DSCAM: variants seen among roughly 807,000 people sequenced by gnomAD.
DSCAM encodes the protein cell adhesion molecule DSCAM.
In DSCAM, 47 loss-of-function variants were observed where a neutral mutation model predicts 217.7. The ratio of observed to expected loss-of-function variants is 0.22; its 90% CI spans 0.17 to 0.28. DSCAM has a LOEUF of 0.28. Among genes scored for constraint, DSCAM ranks in the 10% least tolerant of loss-of-function variants. The pLI is 1.00. For synonymous variants in DSCAM, 1,056 were observed against 1,015.3 expected (o/e 1.04, Z -0.76); for missense variants, 2,080 against 2,618.3 (o/e 0.79, Z 4.49).
intron 3 of DSCAM, among the ~76,000 whole-genome samples, chr21:40,379,270 T>C (rs567310906): frequency 6.6e-6 from 1 of 152,340 alleles, no homozygotes; most frequent in African/African-American, 2.4e-5. Flanking sequence ...TTAATGTGCT[T>C]CTTGGGTAGT....
chr21:40,048,195 G>T (rs960172085), intron 30 of DSCAM, among the ~76,000 whole-genome samples: 4 of 152,322 alleles, frequency 2.6e-5, no homozygotes, highest in African/African-American at 9.6e-5. Context: ...TGAGATTAAT[G>T]TGCCCAAGTG....
intron 16 of DSCAM, among the ~76,000 whole-genome samples, chr21:40,162,794 A>G (rs1281482916): frequency 3.3e-5 from 5 of 152,182 alleles, no homozygotes; most frequent in Non-Finnish European, 5.9e-5. Context: ...GCCAAATGGT[A>G]AAATTATTCT....
At chr21:40,731,273 G>A (rs34256770) in intron 1 of DSCAM, among the ~76,000 whole-genome samples, 3,721 of 152,328 alleles carry the variant, frequency 0.024, 63 homozygotes, top group Middle Eastern at 0.048. Flanking sequence ...TATGATAGGA[G>A]TGATAGTGAG....
chr21:40,412,802 A>G (rs2075335136), intron 3 of DSCAM, among the ~76,000 whole-genome samples: 1 of 152,202 alleles, frequency 6.6e-6, no homozygotes, highest in Non-Finnish European at 1.5e-5. Context: ...TCCCCAAGAC[A>G]ATGGGGAAAA....
At chr21:40,182,039 C>T (rs191409835) in intron 14 of DSCAM, among the ~76,000 whole-genome samples, 42 of 152,044 alleles carry the variant, frequency 2.8e-4, no homozygotes, top group East Asian at 1.9e-4. Flanking sequence ...CTGGGGAGCT[C>T]GCCTTGGGGG....
chr21:40,176,665 A>G (rs1247702246), intron 15 of DSCAM, among the ~76,000 whole-genome samples: 1 of 152,202 alleles, frequency 6.6e-6, no homozygotes, highest in Non-Finnish European at 1.5e-5. Context: ...CATTTCTAGA[A>G]CCTGCTCCTT....
In DSCAM at chr21:40,696,082, C is replaced by CAA. The variant is rs10718357; in HGVS notation, c.362-3128_362-3127dup. Among the ~76,000 whole-genome samples, 375 of 143,416 alleles carry CAA rather than the reference C, an allele frequency of 2.6e-3. 3 individuals are homozygous for CAA. Among genetic ancestry groups the CAA allele is most frequent in the African/African-American group, 8.4e-3 (336 of 39,770 alleles). The allele number at this position is 143,416 out of a possible 152,430, so 94.1% of individuals were successfully genotyped here. ...CTGGGCTAGAAACCTGAGATGCAGG[C>CAA]AAAAAAAAAAATACACTTTGTTTTA... is the stretch of plus-strand genomic sequence containing the variant. On this transcript the variant is annotated intron_variant, in intron 2 of 32. Coordinates refer to ENST00000400454, the MANE Select transcript of DSCAM (RefSeq NM_001389.5).
intron 1 of DSCAM, among the ~76,000 whole-genome samples, chr21:40,753,386 T>C (rs150093827): frequency 1.7e-4 from 26 of 152,346 alleles, no homozygotes; most frequent in African/African-American, 6.3e-4. Flanking sequence ...TCATGAATCA[T>C]AGTTTAGGAA....
chr21:40,243,030 C>T (rs2073174297), intron 11 of DSCAM, among the ~76,000 whole-genome samples: 1 of 152,176 alleles, frequency 6.6e-6, no homozygotes, highest in Non-Finnish European at 1.5e-5. Context: ...TGGGGCTTTG[C>T]TTCCTGTTTT....
intron 11 of DSCAM, among the ~76,000 whole-genome samples, chr21:40,268,043 G>T (rs111591046): frequency 0.037 from 5,557 of 152,224 alleles, 329 homozygotes; most frequent in African/African-American, 0.13. Flanking sequence ...CTGCTCCACA[G>T]ATGTAACCAA....
chr21:40,207,328 G>T (rs996497942), intron 11 of DSCAM, among the ~76,000 whole-genome samples: 1 of 152,160 alleles, frequency 6.6e-6, no homozygotes, highest in African/African-American at 2.4e-5. Context: ...GCAGATGACT[G>T]AAAGTGTCCA....
rs570471963 is a variant in DSCAM at position 40,244,966 on chromosome 21, G to C, written c.2356+31131C>G. On this transcript the variant is annotated intron_variant, in intron 11 of 32. Transcript: ENST00000400454. ...GGCTTGACTTCCTAGAGAGCTGAGC[G>C]AGGCACTGGGAATCTACAGGAAGAA... Among the ~76,000 whole-genome samples, 3 of 151,606 alleles carry C rather than the reference G, an allele frequency of 2.0e-5. No individual in the cohort carries two copies. In the South Asian group the frequency reaches 6.3e-4, roughly 32 times the overall value.
intron 1 of DSCAM, among the ~76,000 whole-genome samples, chr21:40,780,419 GTGTGTA>G (rs1421312205): frequency 2.2e-5 from 1 of 44,720 alleles, no homozygotes; most frequent in East Asian, 4.8e-4. Context: ...GTGTGTGTGT[GTGTGTA>G]TATATATATA....
At chr21:40,373,705 A>G (rs2074922053) in intron 3 of DSCAM, among the ~76,000 whole-genome samples, 1 of 152,220 alleles carries the variant, frequency 6.6e-6, no homozygotes, top group South Asian at 2.1e-4. Flanking sequence ...ATGAAGAATC[A>G]AATTAAAAGA....
intron 3 of DSCAM, among the ~76,000 whole-genome samples, chr21:40,599,905 G>A (rs530033057): frequency 6.6e-6 from 1 of 152,244 alleles, no homozygotes; most frequent in South Asian, 2.1e-4. Context: ...GATGAAACCA[G>A]GAAGAAGTCA....
Position 40,118,812 on chromosome 21 carries a change from T to C in DSCAM, c.3696+5383A>G, listed in dbSNP as rs143220237. 2.9e-3 allele frequency among the ~76,000 whole-genome samples: 448 copies of C among 152,352 alleles called. 2 individuals are homozygous for C. The highest frequency in any genetic ancestry group is 5.3e-3 in the Non-Finnish European group (359 of 68,026). On this transcript the variant is annotated intron_variant, in intron 20 of 32. Transcript: ENST00000400454. ...CTCCTGCACTGTGCTGTGCACATCA[T>C]TGCTGTGTCCTCTGTCACATCACAC...
At chr21:40,535,583 C>T (rs58074159) in intron 3 of DSCAM, among the ~76,000 whole-genome samples, 11,974 of 152,292 alleles carry the variant, frequency 0.079, 823 homozygotes, top group African/African-American at 0.18. Flanking sequence ...AAAATATATT[C>T]ATCTCATTTC....
At chr21:40,719,964 G>A (rs915199836) in intron 1 of DSCAM, among the ~76,000 whole-genome samples, 4 of 144,628 alleles carry the variant, frequency 2.8e-5, no homozygotes, top group African/African-American at 9.8e-5. Context: ...AAAAAATCAT[G>A]AAGGAGATAA....
At chr21:40,698,536 C>T (rs900670575) in intron 2 of DSCAM, among the ~76,000 whole-genome samples, 1 of 152,138 alleles carries the variant, frequency 6.6e-6, no homozygotes, top group Non-Finnish European at 1.5e-5. Flanking sequence ...TCTACCTGCC[C>T]TGGGTGTGCC....
Sources: gnomAD v4.1 joint callset for allele counts (sites outside exome capture counted in the v4.1 genomes callset) on GRCh38, gnomAD v4.1.1 for gene constraint, MANE v1.5 for transcripts, NCBI Gene and HGNC (gene_info 2026-07-23, HGNC 2026-07-21) for gene names.